The following MANSC4 variants were observed in gnomAD, a reference collection of about 807,000 sequenced individuals.
MANSC4 encodes the protein MANSC domain containing 4, also known as MANSC domain-containing protein 4.
A neutral mutation model predicts 11.4 loss-of-function variants in MANSC4; 11 were observed. The observed-to-expected ratio is 0.97, with a 90% confidence interval of 0.61 to 1.60. The LOEUF is 1.60. MANSC4 is among the 40% of genes most tolerant of loss of function. The pLI is 0.00. For missense variants in MANSC4, 354 were observed against 404.6 expected, an observed-to-expected ratio of 0.88 and a Z score of 1.07; for synonymous variants, 123 against 147.1, an observed-to-expected ratio of 0.84 and a Z score of 1.19.
At chr12:27,765,148 T>C (rs1363261087) in intron 3 of MANSC4, among the ~76,000 whole-genome samples, 1 of 152,190 alleles carries the variant, frequency 6.6e-6, no homozygotes, top group Non-Finnish European at 1.5e-5. Context: ...TGCAAAGTGA[T>C]TTTTGACTCC....
intron 1 of MANSC4, among the ~76,000 whole-genome samples, chr12:27,773,228 AAAAC>A (rs1045559031): frequency 1.3e-5 from 2 of 152,222 alleles, no homozygotes; most frequent in Non-Finnish European, 2.9e-5. Flanking sequence ...TAAGAAACAA[AAAAC>A]AAACAAACAA....
Position 27,780,231 on chromosome 12 carries a change from C to T in MANSC4, c.-328G>A. 4 of 1,183,308 alleles carry T rather than the reference C, an allele frequency of 3.4e-6. No homozygotes were observed. Among genetic ancestry groups the T allele is most frequent in the Non-Finnish European group, 4.4e-6 (4 of 917,232 alleles). 73.3% of individuals were successfully genotyped at this position (1,183,308 alleles called of 1,614,324 possible). Reference sequence around the variant, plus strand: ...TCACCTCGCCGCTCCTCCCGGGCCGCCATCCCTCGGCGCCCCGCCCGGAAC... The same window carrying T: ...TCACCTCGCCGCTCCTCCCGGGCCGTCATCCCTCGGCGCCCCGCCCGGAAC... On this transcript the variant is annotated 5_prime_UTR_variant, in exon 1 of 4. Transcript: ENST00000381273. This position sits in a 1 kb window ranked among gnomAD's most constrained non-coding sequence, Gnocchi z 8.8.
At chr12:27,768,541 T>G (rs998170247) in intron 2 of MANSC4, among the ~76,000 whole-genome samples, 3 of 152,144 alleles carry the variant, frequency 2.0e-5, no homozygotes, top group African/African-American at 7.2e-5. Context: ...AATGCAAATC[T>G]TCAGTCTATC....
intron 1 of MANSC4, among the ~76,000 whole-genome samples, chr12:27,775,950 C>G (rs555632885): frequency 6.6e-6 from 1 of 151,462 alleles, no homozygotes; most frequent in African/African-American, 2.4e-5. Flanking sequence ...ATTAGCCAGG[C>G]GTGGTGGCAG....
rs1324966280 is a variant in MANSC4 at position 27,763,264 on chromosome 12, C to G, written c.497G>C (p.Gly166Ala). The change falls in exon 4 of 4, where the codon GGT becomes GCT. Residue 166 changes from glycine to alanine, a missense_variant. Coordinates refer to ENST00000381273, the MANE Select transcript of MANSC4 (RefSeq NM_001146221.5). The part of the protein sequence containing the change: ...NLDKQTTTIN[G>A]MLPSTEAPSS... ...TGGAGCCTCTGTGGATGGCAGCATA[C>G]CATTTATCGTGGTGGTTTGTTTATC... The G allele has an allele frequency of 6.4e-7, 1 of 1,551,622 alleles. No homozygotes were observed. The highest frequency in any genetic ancestry group is 2.0e-5 in the Admixed American group (1 of 50,950).
chr12:27,777,320 G>A (rs150011478), intron 1 of MANSC4, among the ~76,000 whole-genome samples: 1 of 152,358 alleles, frequency 6.6e-6, no homozygotes, highest in African/African-American at 2.4e-5. Flanking sequence ...AGAGACAGAG[G>A]AGAGACTGAG....
chr12:27,780,215 C>T lies in MANSC4; in HGVS notation c.-312G>A, dbSNP rs2062138836. 23 of 1,001,010 alleles carry T rather than the reference C, an allele frequency of 2.3e-5. No individual in the cohort carries two copies. Among genetic ancestry groups the T allele is most frequent in the Admixed American group, 9.0e-5 (2 of 22,146 alleles). 62.0% of individuals were successfully genotyped at this position (1,001,010 alleles called of 1,614,324 possible). ...CGAGCGCGGGCGGCCCTCACCTCGC[C>T]GCTCCTCCCGGGCCGCCATCCCTCG... On this transcript the variant is annotated 5_prime_UTR_variant, in exon 1 of 4. Coordinates refer to ENST00000381273, the MANE Select transcript of MANSC4 (RefSeq NM_001146221.5). The surrounding 1 kb of genome is among the most constrained non-coding windows in gnomAD (Gnocchi z 8.8).
chr12:27,770,978 G>A (rs1306878047), intron 2 of MANSC4, 70 bp downstream of exon 2: 114 of 1,173,982 alleles, frequency 9.7e-5, no homozygotes, highest in Non-Finnish European at 1.3e-4. Context: ...TCTGCCTAAG[G>A]CTCCTCACTT....
At chr12:27,768,691 A>G (rs913548025) in intron 2 of MANSC4, among the ~76,000 whole-genome samples, 2 of 145,836 alleles carry the variant, frequency 1.4e-5, no homozygotes, top group African/African-American at 5.1e-5. Context: ...AAGTGGCACA[A>G]TCTTGGCTCA....
At chr12:27,773,333 C>T (rs2062107667) in intron 1 of MANSC4, among the ~76,000 whole-genome samples, 1 of 152,134 alleles carries the variant, frequency 6.6e-6, no homozygotes, top group Non-Finnish European at 1.5e-5. Flanking sequence ...TGGATAACTT[C>T]TTGGGGCCAA....
Position 27,771,315 on chromosome 12 carries a change from T to G in MANSC4, c.-39A>C. On this transcript the variant is annotated 5_prime_UTR_variant, in exon 2 of 4. Transcript: ENST00000381273. ...AGGAAGACTCGAAGATAAGTCTGAT[T>G]TCCAGACAGAAGCTGAACACTGGAG... 1 of 1,518,662 alleles carries G rather than the reference T, an allele frequency of 6.6e-7. No individual in the cohort carries two copies. Among genetic ancestry groups the G allele is most frequent in the Non-Finnish European group, 8.9e-7 (1 of 1,123,052 alleles). The allele number at this position is 1,518,662 out of a possible 1,614,324, so 94.1% of individuals were successfully genotyped here.
chr12:27,770,392 G>A (rs139251522), intron 2 of MANSC4, among the ~76,000 whole-genome samples: 1 of 152,024 alleles, frequency 6.6e-6, no homozygotes, highest in East Asian at 1.9e-4. Flanking sequence ...TGTTGGCCAG[G>A]TTGGTCTCCA....
At position 27,762,606 on chromosome 12, in the gene MANSC4, T is replaced by C. The variant is rs998626805; in HGVS notation, c.*132A>G. 1.1e-5 allele frequency: 9 copies of C among 851,244 alleles called. No homozygotes were observed. The highest frequency in any genetic ancestry group is 1.7e-5 in the African/African-American group (1 of 58,188). 52.7% of individuals were successfully genotyped at this position (851,244 alleles called of 1,614,324 possible). ...GCTCAAGCAAATCTACTGCCTTGGC[T>C]TCCCAAAGTTTTGGGATTACAGGCA... is the stretch of plus-strand genomic sequence containing the variant. On this transcript the variant is annotated 3_prime_UTR_variant, in exon 4 of 4. Transcript: ENST00000381273.
intron 2 of MANSC4, among the ~76,000 whole-genome samples, chr12:27,770,465 G>A (rs11049134): frequency 0.16 from 24,874 of 151,798 alleles, 2,524 homozygotes; most frequent in Non-Finnish European, 0.23. Flanking sequence ...ACAGGCATTA[G>A]CCACCGCACC....
At chr12:27,770,302 C>G (rs2062094976) in intron 2 of MANSC4, among the ~76,000 whole-genome samples, 1 of 152,070 alleles carries the variant, frequency 6.6e-6, no homozygotes, top group Admixed American at 6.6e-5. Flanking sequence ...AAACTCAGCC[C>G]CCCGCGTAGC....
chr12:27,762,615 T>C lies in MANSC4; in HGVS notation c.*123A>G. The C allele has an allele frequency of 1.0e-6, 1 of 958,346 alleles. No individual in the cohort carries two copies. Among genetic ancestry groups the C allele is most frequent in the Non-Finnish European group, 1.5e-6 (1 of 675,152 alleles). 59.4% of individuals were successfully genotyped at this position (958,346 alleles called of 1,614,324 possible). The stretch of plus-strand genomic sequence containing the variant: ...AATCTACTGCCTTGGCTTCCCAAAG[T>C]TTTGGGATTACAGGCATGAACCACC... On this transcript the variant is annotated 3_prime_UTR_variant, in exon 4 of 4. Coordinates refer to ENST00000381273, the MANE Select transcript of MANSC4 (RefSeq NM_001146221.5).
chr12:27,768,241 A>G (rs939028454), intron 2 of MANSC4, among the ~76,000 whole-genome samples: 2 of 151,800 alleles, frequency 1.3e-5, no homozygotes, highest in Non-Finnish European at 2.9e-5. Context: ...CTACTAAAAA[A>G]AAAATACAAA....
chr12:27,763,111 A>C lies in MANSC4; in HGVS notation c.650T>G (p.Val217Gly), dbSNP rs1209890369. The C allele has an allele frequency of 6.4e-7, 1 of 1,551,736 alleles. No individual in the cohort carries two copies. The highest frequency in any genetic ancestry group is 2.0e-5 in the Admixed American group (1 of 50,970). ...NESITTKINK[V>G]SPSTDFISNP... is the part of the protein sequence containing the mutation. ...GCTGATGAAATCAGTACTTGGTGAC[A>C]CCTTATTTATCTTTGTGGTAATGGA... The change falls in exon 4 of 4, where the codon GTG becomes GGG. Residue 217 changes from valine to glycine, a missense_variant. Transcript: ENST00000381273.
intron 1 of MANSC4, among the ~76,000 whole-genome samples, chr12:27,775,678 A>G (rs1362514373): frequency 6.6e-6 from 1 of 152,128 alleles, no homozygotes; most frequent in Non-Finnish European, 1.5e-5. Context: ...CTGGGATTAC[A>G]GGAATCGGTC....
Sources: gnomAD v4.1 joint callset for allele counts (sites outside exome capture counted in the v4.1 genomes callset) on GRCh38, gnomAD v4.1.1 for gene constraint, Gnocchi (gnomAD v3.1) non-coding constraint, MANE v1.5 for transcripts, NCBI Gene and HGNC (gene_info 2026-07-23, HGNC 2026-07-21) for gene names.